The following LGR6 variants were observed in gnomAD, a reference collection of about 807,000 sequenced individuals.
LGR6 encodes the protein leucine rich repeat containing G protein-coupled receptor 6.
LGR6 carries 45 observed loss-of-function variants against 69.4 expected under a neutral mutation model. The ratio of observed to expected loss-of-function variants is 0.65; its 90% confidence interval spans 0.51 to 0.83. The LOEUF (loss-of-function observed/expected upper bound fraction) is 0.83, where lower values mean the gene tolerates loss of function less well. LGR6 is among the 40% of genes least tolerant of loss of function. The pLI, the probability that LGR6 is intolerant of heterozygous loss-of-function variation, is 0.00. For missense variants in LGR6, 1,108 were observed against 1,246.7 expected, an observed-to-expected ratio of 0.89 and a Z score of 1.68; for synonymous variants, 538 against 555.0, an observed-to-expected ratio of 0.97 and a Z score of 0.43.
chr1:202,217,560 C>A (rs1659868686), intron 1 of LGR6, among the ~76,000 whole-genome samples: 3 of 152,190 alleles, frequency 2.0e-5, no homozygotes, highest in South Asian at 2.1e-4. Context: ...AATTGGGTCA[C>A]CTTCGGGCGA....
At chr1:202,264,433 G>C (rs957026289) in intron 4 of LGR6, among the ~76,000 whole-genome samples, 1 of 152,146 alleles carries the variant, frequency 6.6e-6, no homozygotes, top group African/African-American at 2.4e-5. Flanking sequence ...ATCTCCATCG[G>C]CCTCTTCCTC....
chr1:202,198,838 G>A (rs1571801074), intron 1 of LGR6, among the ~76,000 whole-genome samples: 1 of 152,004 alleles, frequency 6.6e-6, no homozygotes. Context: ...ACAGGGGAGA[G>A]CCAGCCTTGG....
chr1:202,263,238 T>G (rs1476502769), intron 4 of LGR6, among the ~76,000 whole-genome samples: 1 of 152,106 alleles, frequency 6.6e-6, no homozygotes, highest in African/African-American at 2.4e-5. Context: ...TTCTCCTGCC[T>G]CAGCCTGCTG....
chr1:202,270,794 G>A (rs1185112710), intron 4 of LGR6, among the ~76,000 whole-genome samples: 1 of 152,146 alleles, frequency 6.6e-6, no homozygotes, highest in Admixed American at 6.5e-5. Context: ...TTCAGACCAG[G>A]ACCCTATGTC....
At chr1:202,269,373 G>A (rs759084767) in intron 4 of LGR6, among the ~76,000 whole-genome samples, 6 of 152,152 alleles carry the variant, frequency 3.9e-5, no homozygotes, top group Non-Finnish European at 7.3e-5. Context: ...TAAGTCACTG[G>A]AAGAAAGCTG....
chr1:202,308,824 T>C lies in LGR6; in HGVS notation c.1281-227T>C, dbSNP rs192581347. Reference sequence around the variant, plus strand: ...GTATATAGTTGGCACCGTTATGTATTGAATGAATGAGCAAATAAAAGAATG... The same window carrying C: ...GTATATAGTTGGCACCGTTATGTATCGAATGAATGAGCAAATAAAAGAATG... On this transcript the variant is annotated intron_variant, in intron 14 of 17. Coordinates refer to ENST00000367278, the MANE Select transcript of LGR6 (RefSeq NM_001017403.2). Among the ~76,000 whole-genome samples the C allele has an allele frequency of 1.7e-3, 254 of 152,328 alleles. 4 individuals are homozygous for C. The South Asian group carries it at 0.042, about 25-fold the overall frequency.
intron 9 of LGR6, among the ~76,000 whole-genome samples, chr1:202,302,778 C>T (rs879664573): frequency 7.2e-5 from 11 of 152,050 alleles, no homozygotes; most frequent in Non-Finnish European, 1.5e-4. Context: ...AACTCCTGAC[C>T]TCAGGTGATC....
chr1:202,262,753 A>T (rs1209201739), intron 4 of LGR6, among the ~76,000 whole-genome samples: 1 of 151,922 alleles, frequency 6.6e-6, no homozygotes, highest in East Asian at 1.9e-4. Flanking sequence ...TTTTATTCTG[A>T]CTTCAAGGAG....
intron 15 of LGR6, among the ~76,000 whole-genome samples, chr1:202,309,870 G>A (rs955609524): frequency 3.3e-5 from 5 of 152,254 alleles, no homozygotes; most frequent in Non-Finnish European, 5.9e-5. Flanking sequence ...TGGCAGTGCT[G>A]TGTGAGCTTG....
rs776306549 is a variant in LGR6 at position 202,276,408 on chromosome 1, C to T, written c.531C>T (p.Ile177=). 4.3e-6 allele frequency: 7 copies of T among 1,614,082 alleles called. No individual in the cohort carries two copies. Among genetic ancestry groups the T allele is most frequent in the Middle Eastern group, 1.6e-4 (1 of 6,084 alleles). The change falls in exon 5 of 18, where the codon ATC becomes ATT. Residue 177 remains isoleucine, a synonymous_variant. Transcript: ENST00000367278. The part of the protein sequence containing the change: ...LWLDDNALTE[I]PVRALNNLPA... ...TGGACGACAATGCACTCACGGAGAT[C>T]CCTGTCAGGGCCCTCAACAACCTCC...
Position 202,318,325 on chromosome 1 carries a change from C to G in LGR6, c.2022C>G (p.Val674=), listed in dbSNP as rs1198977001. Residue 674 remains valine (V), a synonymous_variant, in exon 18 of 18, where the codon GTC becomes GTG. Transcript: ENST00000367278. ...AGTGCAGCGTCTCCGTCTCCTGTGT[C>G]CGGGCCTATGGGAAGTCCCCCTCCC... The part of the protein sequence containing the change: ...AVQCSVSVSC[V]RAYGKSPSLG... 6.3e-7 allele frequency: 1 copy of G among 1,594,714 alleles called. No individual in the cohort carries two copies. Among genetic ancestry groups the G allele is most frequent in the East Asian group, 2.2e-5 (1 of 44,540 alleles).
chr1:202,221,946 CACCAACAT>C (rs3062584), intron 1 of LGR6, among the ~76,000 whole-genome samples: 127,284 of 151,608 alleles, frequency 0.84, 54,390 homozygotes, highest in East Asian at 0.98. Context: ...CAGTAGGAAC[CACCAACAT>C]ACCAACATGA....
At chr1:202,230,166 C>T (rs946854044) in intron 3 of LGR6, among the ~76,000 whole-genome samples, 2 of 152,028 alleles carry the variant, frequency 1.3e-5, no homozygotes, top group Admixed American at 6.6e-5. Flanking sequence ...CCTTCTCTCC[C>T]GAGGCAAAGG....
chr1:202,247,762 G>C (rs1662845636), intron 4 of LGR6, among the ~76,000 whole-genome samples: 1 of 152,222 alleles, frequency 6.6e-6, no homozygotes, highest in South Asian at 2.1e-4. Context: ...GCAGGAGAAA[G>C]TGTATGACGA....
intron 4 of LGR6, among the ~76,000 whole-genome samples, chr1:202,260,221 TAG>T (rs1664115946): frequency 6.6e-6 from 1 of 151,690 alleles, no homozygotes; most frequent in African/African-American, 2.4e-5. Flanking sequence ...GTATTTTTAG[TAG>T]AGATGGGGTT....
rs1322280192 is a variant in LGR6 at position 202,194,186 on chromosome 1, C to G, written c.197C>G (p.Pro66Arg). The G allele has an allele frequency of 1.3e-6, 2 of 1,560,620 alleles. No individual in the cohort carries two copies. The highest frequency in any genetic ancestry group is 1.7e-6 in the Non-Finnish European group (2 of 1,161,900). ...TCCGCCGTTCCGGGGGACCTGGACC[C>G]CCTGACGGCTTACCTGTGAGTACTG... ...GLSAVPGDLDPLTAYLDLSMN... is the reference protein window; with the variant it reads ...GLSAVPGDLDRLTAYLDLSMN... The change falls in exon 1 of 18, where the codon CCC becomes CGC. Residue 66 changes from proline to arginine, a missense_variant. Coordinates refer to ENST00000367278, the MANE Select transcript of LGR6 (RefSeq NM_001017403.2).
intron 1 of LGR6, chr1:202,203,875 G>A (rs575178889): frequency 4.3e-6 from 7 of 1,611,912 alleles, no homozygotes; most frequent in East Asian, 2.2e-5. Flanking sequence ...ATCTCTGCCC[G>A]GTGAGTTGTT....
At chr1:202,227,744 T>A (rs1369108559) in intron 2 of LGR6, among the ~76,000 whole-genome samples, 192 bp from the exon 3 acceptor site, 2 of 152,132 alleles carry the variant, frequency 1.3e-5, no homozygotes, top group African/African-American at 4.8e-5. Context: ...TTGGGGAAAA[T>A]AATAGGCACT....
At chr1:202,294,460 C>T (rs888028666) in intron 6 of LGR6, among the ~76,000 whole-genome samples, 1 of 152,128 alleles carries the variant, frequency 6.6e-6, no homozygotes, top group Non-Finnish European at 1.5e-5. Flanking sequence ...TGGAGCCATC[C>T]CCTGGGCTCA....
Sources: allele counts gnomAD v4.1 joint callset (sites outside exome capture counted in the v4.1 genomes callset), GRCh38; gene constraint gnomAD v4.1.1; transcripts MANE v1.5; gene names NCBI Gene and HGNC (gene_info 2026-07-23, HGNC 2026-07-21).